PCCA: variants seen among roughly 807,000 people sequenced by gnomAD.
The protein encoded by PCCA is propionyl-CoA carboxylase subunit alpha.
PCCA carries 74 observed loss-of-function variants against 101.3 expected under a neutral mutation model. That is an observed-to-expected ratio of 0.73 (90% confidence interval 0.61 to 0.89). The LOEUF (loss-of-function observed/expected upper bound fraction) is 0.89. PCCA is among the 40% of genes least tolerant of loss of function. The probability of loss-of-function intolerance (pLI) is 0.00; values close to 1 mark genes in which losing one functional copy is unlikely to be tolerated. For synonymous variants in PCCA, 294 were observed against 313.6 expected (o/e 0.94, Z 0.66); for missense variants, 891 against 907.0 (o/e 0.98, Z 0.23).
intron 19 of PCCA, among the ~76,000 whole-genome samples, chr13:100,414,647 C>T (rs1158151484): frequency 6.6e-6 from 1 of 152,152 alleles, no homozygotes; most frequent in African/African-American, 2.4e-5. Flanking sequence ...TATGTTTGTG[C>T]TTCACATCTC....
intron 23 of PCCA, 59 bp downstream of exon 23, chr13:100,527,811 T>C: frequency 8.0e-7 from 1 of 1,248,598 alleles, no homozygotes; most frequent in South Asian, 1.2e-5. Context: ...ACGCCCACCT[T>C]TGAATCGTGG....
chr13:100,318,427 AC>A lies in PCCA; in HGVS notation c.1429+8522del, dbSNP rs2067622182. ...TTCATGTGCCATGTTGGTGTGCTGCACCCATTAACTCGTCATTTACATTAGG... is the reference window on the plus strand; with the variant it reads ...TTCATGTGCCATGTTGGTGTGCTGCACCATTAACTCGTCATTTACATTAGG... On this transcript the variant is annotated intron_variant, in intron 16 of 23. Coordinates refer to ENST00000376285, the MANE Select transcript of PCCA (RefSeq NM_000282.4). Among the ~76,000 whole-genome samples, 3 of 151,692 alleles carry A rather than the reference AC, an allele frequency of 2.0e-5. No individual in the cohort carries two copies. The South Asian group carries it at 6.3e-4, about 32-fold the overall frequency.
At chr13:100,325,920 G>C (rs1199155262) in intron 16 of PCCA, among the ~76,000 whole-genome samples, 1 of 152,108 alleles carries the variant, frequency 6.6e-6, no homozygotes, top group African/African-American at 2.4e-5. Context: ...GAAGTGGCCT[G>C]CTTCTCCCCA....
intron 16 of PCCA, among the ~76,000 whole-genome samples, chr13:100,313,332 G>T (rs1241749933): frequency 6.6e-6 from 1 of 152,178 alleles, no homozygotes; most frequent in African/African-American, 2.4e-5. Context: ...TTGCAATAGA[G>T]AAAGAGTTTA....
At chr13:100,498,275 T>C (rs2085422599) in intron 21 of PCCA, among the ~76,000 whole-genome samples, 1 of 152,052 alleles carries the variant, frequency 6.6e-6, no homozygotes, top group African/African-American at 2.4e-5. Context: ...TTTTATTTTT[T>C]CATTCACAAA....
chr13:100,363,866 C>T (rs2074898658), intron 18 of PCCA, among the ~76,000 whole-genome samples: 1 of 152,256 alleles, frequency 6.6e-6, no homozygotes, highest in East Asian at 1.9e-4. Context: ...AGTATTTACT[C>T]AAAAGCACCC....
At chr13:100,444,984 A>G (rs1029395010) in intron 20 of PCCA, among the ~76,000 whole-genome samples, 1 of 152,178 alleles carries the variant, frequency 6.6e-6, no homozygotes. Flanking sequence ...TTATAAAGAG[A>G]AAAAGTTTAT....
At chr13:100,201,874 A>C (rs960277453) in intron 6 of PCCA, among the ~76,000 whole-genome samples, 18 of 150,808 alleles carry the variant, frequency 1.2e-4, no homozygotes, top group Non-Finnish European at 1.6e-4. Flanking sequence ...AAAAAAAAAA[A>C]AAAAAAAAAA....
chr13:100,158,501 T>A (rs1566602353), intron 6 of PCCA, among the ~76,000 whole-genome samples: 1 of 152,226 alleles, frequency 6.6e-6, no homozygotes, highest in Non-Finnish European at 1.5e-5. Flanking sequence ...CATGGACACA[T>A]CCAGAGGTTC....
chr13:100,360,403 C>T (rs554251194), intron 18 of PCCA, among the ~76,000 whole-genome samples: 1 of 152,128 alleles, frequency 6.6e-6, no homozygotes, highest in Admixed American at 6.6e-5. Context: ...CTGAAATGGG[C>T]TCACCCCTGT....
chr13:100,089,204 CG>C lies in PCCA; in HGVS notation c.85del (p.Ala29ArgfsTer6), dbSNP rs1184927944. On this transcript the variant is annotated frameshift_variant, in exon 1 of 24. Coordinates refer to ENST00000376285, the MANE Select transcript of PCCA (RefSeq NM_000282.4). LOFTEE classifies it high-confidence loss of function. ...RWPPQQLMLS[A>X]ALRTLKHVLY... The stretch of plus-strand genomic sequence containing the variant: ...GGCCGCCGCAGCAGCTGATGCTGAG[CG>C]CGGCGCTGCGGACCCTGAAGGTGAG... 1.3e-6 allele frequency: 2 copies of C among 1,523,304 alleles called. No homozygotes were observed. Among genetic ancestry groups the C allele is most frequent in the African/African-American group, 2.8e-5 (2 of 70,458 alleles). 94.4% of individuals were successfully genotyped at this position (1,523,304 alleles called of 1,614,324 possible).
intron 21 of PCCA, among the ~76,000 whole-genome samples, chr13:100,458,137 A>G (rs1034533644): frequency 1.3e-5 from 2 of 152,052 alleles, no homozygotes; most frequent in Admixed American, 6.6e-5. Context: ...TAAACTTTCA[A>G]TCCAAGCATA....
chr13:100,232,054 T>G (rs1210394418), intron 7 of PCCA, among the ~76,000 whole-genome samples: 1 of 152,194 alleles, frequency 6.6e-6, no homozygotes, highest in Admixed American at 6.5e-5. Context: ...TAAGAGTTAC[T>G]CTCTTAAAGC....
intron 12 of PCCA, among the ~76,000 whole-genome samples, chr13:100,298,298 G>T (rs1035365775): frequency 6.6e-6 from 1 of 152,078 alleles, no homozygotes; most frequent in Admixed American, 6.5e-5. Context: ...GAAGTGCTGC[G>T]CAAGGCCCTT....
At chr13:100,209,948 A>G (rs921486091) in intron 7 of PCCA, among the ~76,000 whole-genome samples, 1 of 149,664 alleles carries the variant, frequency 6.7e-6, no homozygotes, top group African/African-American at 2.5e-5. Context: ...CAGTGTTTTT[A>G]ACTGGATTAT....
intron 19 of PCCA, among the ~76,000 whole-genome samples, chr13:100,389,908 G>A (rs2076718600): frequency 6.6e-6 from 1 of 152,322 alleles, no homozygotes; most frequent in Admixed American, 6.5e-5. Flanking sequence ...TGCCTGCAGG[G>A]AGTCGGACAG....
intron 2 of PCCA, among the ~76,000 whole-genome samples, chr13:100,103,356 G>C (rs1268796480): frequency 6.6e-6 from 1 of 150,574 alleles, no homozygotes; most frequent in Non-Finnish European, 1.5e-5. Flanking sequence ...CTATCACCCA[G>C]GCTGGAGTGC....
At chr13:100,496,316 G>C (rs1440804869) in intron 21 of PCCA, among the ~76,000 whole-genome samples, 6 of 152,230 alleles carry the variant, frequency 3.9e-5, no homozygotes, top group Non-Finnish European at 8.8e-5. Context: ...GTCACACCTT[G>C]CATTGACTTT....
In PCCA at chr13:100,173,395, A is replaced by G. The variant is rs937516242; in HGVS notation, c.468+16055A>G. 2.0e-5 allele frequency among the ~76,000 whole-genome samples: 3 copies of G among 152,174 alleles called. No individual in the cohort carries two copies. The East Asian group carries it at 5.8e-4, about 29-fold the overall frequency. ...GAATAACGGCATTTGGTAGAGATTC[A>G]AAACAGCAACCAGGGATGACGAGCT... On this transcript the variant is annotated intron_variant, in intron 6 of 23. Transcript: ENST00000376285.
Sources: gnomAD v4.1 joint callset for allele counts (sites outside exome capture counted in the v4.1 genomes callset) on GRCh38, gnomAD v4.1.1 for gene constraint, MANE v1.5 for transcripts, NCBI Gene and HGNC (gene_info 2026-07-23, HGNC 2026-07-21) for gene names.